SORCS1: variants seen among roughly 807,000 people sequenced by gnomAD.
SORCS1 encodes sortilin related VPS10 domain containing receptor 1.
A neutral mutation model predicts 146.1 loss-of-function variants in SORCS1; 60 were observed. The ratio of observed to expected loss-of-function variants is 0.41; its 90% CI spans 0.33 to 0.51. The LOEUF (loss-of-function observed/expected upper bound fraction) is 0.51. Ranked by LOEUF, SORCS1 falls within the 20% of genes least tolerant of loss-of-function variation. The pLI is 0.21. For synonymous variants in SORCS1, 637 were observed against 584.0 expected (o/e 1.09, Z -1.31); for missense variants, 1,352 against 1,487.6 (o/e 0.91, Z 1.50).
intron 1 of SORCS1, among the ~76,000 whole-genome samples, chr10:106,988,653 G>A (rs1956600888): frequency 6.6e-6 from 1 of 152,092 alleles, no homozygotes; most frequent in Admixed American, 6.5e-5. Flanking sequence ...CAGGATGCCT[G>A]GGAATTGGCA....
At chr10:106,650,601 T>C (rs1849789465) in intron 18 of SORCS1, among the ~76,000 whole-genome samples, 1 of 152,186 alleles carries the variant, frequency 6.6e-6, no homozygotes, top group Non-Finnish European at 1.5e-5. Flanking sequence ...CTTTGGAATA[T>C]CCTCAAAGTC....
intron 2 of SORCS1, among the ~76,000 whole-genome samples, chr10:106,872,064 T>C (rs1304026646): frequency 1.3e-5 from 2 of 152,218 alleles, no homozygotes; most frequent in Non-Finnish European, 2.9e-5. Flanking sequence ...GCTTAAATTC[T>C]AGTGGAAATA....
chr10:106,729,304 G>A (rs1382304524), intron 6 of SORCS1, among the ~76,000 whole-genome samples: 1 of 152,176 alleles, frequency 6.6e-6, no homozygotes, highest in Admixed American at 6.5e-5. Context: ...TTGTCATGAG[G>A]CTACAAAGTG....
intron 1 of SORCS1, among the ~76,000 whole-genome samples, chr10:107,129,924 T>C (rs755760570): frequency 1.3e-5 from 2 of 152,250 alleles, no homozygotes; most frequent in Non-Finnish European, 2.9e-5. Flanking sequence ...CTTGTTGATG[T>C]ATGTTTATCC....
At chr10:107,063,872 T>A (rs1458579378) in intron 1 of SORCS1, among the ~76,000 whole-genome samples, 1 of 152,198 alleles carries the variant, frequency 6.6e-6, no homozygotes, top group East Asian at 1.9e-4. Context: ...TTCATGACAG[T>A]AACTCTCTGG....
chr10:107,021,513 C>CAAAAAAAAAA (rs869141427), intron 1 of SORCS1, among the ~76,000 whole-genome samples: 2 of 68,628 alleles, frequency 2.9e-5, no homozygotes, highest in Non-Finnish European at 2.7e-5. Context: ...CACTCCGTCT[C>CAAAAAAAAAA]AAAAAAAAAA....
chr10:106,800,540 A>T (rs57868808), intron 3 of SORCS1, among the ~76,000 whole-genome samples: 20,440 of 63,430 alleles, frequency 0.32, 3,995 homozygotes, highest in African/African-American at 0.54. Flanking sequence ...TTTTTTTTTT[A>T]AGATGGAGTC....
At chr10:106,932,523 G>A (rs1173899984) in intron 2 of SORCS1, among the ~76,000 whole-genome samples, 2 of 152,154 alleles carry the variant, frequency 1.3e-5, no homozygotes, top group Non-Finnish European at 2.9e-5. Context: ...CCACATGTGT[G>A]TATGCCTGTC....
At chr10:106,959,185 C>T (rs1955105227) in intron 1 of SORCS1, among the ~76,000 whole-genome samples, 1 of 152,180 alleles carries the variant, frequency 6.6e-6, no homozygotes. Context: ...GTAGAAACCG[C>T]TCCCTGCCTC....
intron 17 of SORCS1, among the ~76,000 whole-genome samples, chr10:106,657,500 G>T: frequency 6.6e-6 from 1 of 151,830 alleles, no homozygotes; most frequent in East Asian, 1.9e-4. Flanking sequence ...ACTACATATT[G>T]GATACAATGT....
chr10:107,145,459 A>G (rs1043738889), intron 1 of SORCS1, among the ~76,000 whole-genome samples: 6 of 152,216 alleles, frequency 3.9e-5, no homozygotes, highest in Middle Eastern at 3.2e-3. Context: ...GGTGGTCCAA[A>G]TACTGCATTT....
intron 1 of SORCS1, among the ~76,000 whole-genome samples, chr10:107,103,724 G>C (rs971594681): frequency 6.6e-6 from 1 of 152,188 alleles, no homozygotes; most frequent in Admixed American, 6.5e-5. Context: ...TATGCCATCT[G>C]CATTGTGCAG....
chr10:107,043,576 C>T (rs780924539), intron 1 of SORCS1, among the ~76,000 whole-genome samples: 4 of 152,054 alleles, frequency 2.6e-5, no homozygotes, highest in Non-Finnish European at 5.9e-5. Context: ...CATTCTGGTG[C>T]GCTCCTTCCC....
At chr10:106,581,525 T>C (rs1844912801) in intron 24 of SORCS1, among the ~76,000 whole-genome samples, 1 of 152,096 alleles carries the variant, frequency 6.6e-6, no homozygotes, top group Non-Finnish European at 1.5e-5. Flanking sequence ...ACGCTTACGT[T>C]TGGAAGACAG....
chr10:106,884,793 A>AT (rs559954231), intron 2 of SORCS1, among the ~76,000 whole-genome samples: 33 of 152,244 alleles, frequency 2.2e-4, no homozygotes, highest in African/African-American at 4.6e-4. Context: ...AATAGTTAGA[A>AT]TTTTTTTTCA....
intron 1 of SORCS1, among the ~76,000 whole-genome samples, chr10:107,002,350 G>A (rs769954228): frequency 6.6e-6 from 1 of 152,198 alleles, no homozygotes; most frequent in Admixed American, 6.5e-5. Context: ...TGGAATGAGT[G>A]AATCTTCCCA....
intron 5 of SORCS1, among the ~76,000 whole-genome samples, chr10:106,734,453 T>A (rs1856812690): frequency 6.6e-6 from 1 of 152,218 alleles, no homozygotes; most frequent in African/African-American, 2.4e-5. Context: ...GGCCATGTTA[T>A]AATTGGTGAC....
At chr10:106,761,325 C>A (rs1158269815) in intron 5 of SORCS1, among the ~76,000 whole-genome samples, 3 of 152,070 alleles carry the variant, frequency 2.0e-5, no homozygotes, top group African/African-American at 7.2e-5. Flanking sequence ...TATAACAAAG[C>A]AATTCTCATA....
At chr10:107,145,598 T>C (rs1201408485) in intron 1 of SORCS1, among the ~76,000 whole-genome samples, 3 of 152,272 alleles carry the variant, frequency 2.0e-5, no homozygotes, top group Non-Finnish European at 4.4e-5. Flanking sequence ...TAAATAAAAT[T>C]TAAGCAGGTC....
Sources: gnomAD v4.1 joint callset for allele counts (sites outside exome capture counted in the v4.1 genomes callset) on GRCh38, gnomAD v4.1.1 for gene constraint, MANE v1.5 for transcripts, NCBI Gene and HGNC (gene_info 2026-07-23, HGNC 2026-07-21) for gene names.